SEMA5A: variants seen among roughly 807,000 people sequenced by gnomAD.
SEMA5A encodes semaphorin 5A, also known as semaphorin-5A.
Under a neutral mutation model 135.5 loss-of-function variants are expected in SEMA5A, and 55 were observed. The observed-to-expected ratio is 0.41, with a 90% CI of 0.33 to 0.51. SEMA5A has a LOEUF of 0.51. Among genes scored for constraint, SEMA5A ranks in the 20% least tolerant of loss-of-function variants. The probability of loss-of-function intolerance (pLI) is 0.37; values close to 1 mark genes in which losing one functional copy is unlikely to be tolerated. For synonymous variants in SEMA5A, 580 were observed against 546.5 expected (o/e 1.06, Z -0.85); for missense variants, 1,290 against 1,419.9 (o/e 0.91, Z 1.47).
intron 5 of SEMA5A, among the ~76,000 whole-genome samples, chr5:9,273,936 G>A (rs533366429): frequency 1.3e-5 from 2 of 152,064 alleles, no homozygotes; most frequent in East Asian, 3.9e-4. Context: ...CTCAACTAAC[G>A]GGCAAAATAA....
Position 9,224,814 on chromosome 5 carries a change from G to A in SEMA5A, c.506C>T (p.Ser169Phe). ...CCCACCAGCTGTGAGGAGCGCTGTG[G>A]AATTGTGCTGGGGACTGTAGGGACA... ...ARCPYSPQHN[S>F]TALLTAGGEL... The change falls in exon 8 of 23, where the codon TCC becomes TTC. Residue 169 changes from serine (S) to phenylalanine (F), a missense_variant. Ser to Phe is a radical substitution (Grantham distance 155). Coordinates refer to ENST00000382496, the MANE Select transcript of SEMA5A (RefSeq NM_003966.3). 6.2e-7 allele frequency: 1 copy of A among 1,614,052 alleles called. No individual in the cohort carries two copies. Among genetic ancestry groups the A allele is most frequent in the Non-Finnish European group, 8.5e-7 (1 of 1,179,966 alleles).
intron 16 of SEMA5A, among the ~76,000 whole-genome samples, chr5:9,077,286 C>A (rs1738120558): frequency 6.6e-6 from 1 of 152,142 alleles, no homozygotes; most frequent in African/African-American, 2.4e-5. Context: ...GTATTTGGAT[C>A]TGGCTCATAG....
chr5:9,128,362 G>T (rs1378801360), intron 13 of SEMA5A, among the ~76,000 whole-genome samples: 1 of 152,170 alleles, frequency 6.6e-6, no homozygotes, highest in Non-Finnish European at 1.5e-5. Context: ...CACTGCAAGA[G>T]GTTTCTAGAA....
intron 2 of SEMA5A, among the ~76,000 whole-genome samples, chr5:9,409,134 A>G (rs1297127951): frequency 6.6e-6 from 1 of 152,188 alleles, no homozygotes; most frequent in Admixed American, 6.5e-5. Flanking sequence ...ATGATTTTCA[A>G]TTATCCCTTG....
At chr5:9,448,358 A>C (rs1440536546) in intron 1 of SEMA5A, among the ~76,000 whole-genome samples, 1 of 152,308 alleles carries the variant, frequency 6.6e-6, no homozygotes, top group East Asian at 1.9e-4. Flanking sequence ...AATGCAAACC[A>C]TGTTTGACAA....
intron 5 of SEMA5A, among the ~76,000 whole-genome samples, chr5:9,294,578 G>A (rs1751241359): frequency 1.3e-5 from 2 of 152,102 alleles, no homozygotes; most frequent in Admixed American, 6.5e-5. Flanking sequence ...ATACCTTGAC[G>A]AAAACTCTCC....
chr5:9,447,190 T>C (rs774351222), intron 1 of SEMA5A, among the ~76,000 whole-genome samples: 57 of 152,230 alleles, frequency 3.7e-4, no homozygotes, highest in Non-Finnish European at 3.8e-4. Flanking sequence ...TTCAACTCAG[T>C]AATGGAAAGA....
intron 1 of SEMA5A, among the ~76,000 whole-genome samples, chr5:9,538,786 A>T (rs1737918332): frequency 2.6e-5 from 4 of 152,210 alleles, no homozygotes; most frequent in Non-Finnish European, 1.5e-5. Flanking sequence ...GTATCAAAGA[A>T]ATGTGCTCAT....
Position 9,373,510 on chromosome 5 carries a change from G to T in SEMA5A, c.124+6313C>A, listed in dbSNP as rs145352406. On this transcript the variant is annotated intron_variant, in intron 3 of 22. Transcript: ENST00000382496. ...TCCCAAGCCACTGGAGCTAAATGTT[G>T]CAAATCCTCTATCACGAGTCCATGC... Among the ~76,000 whole-genome samples, 736 of 152,248 alleles carry T rather than the reference G, an allele frequency of 4.8e-3. 7 individuals carry two copies. The highest frequency in any genetic ancestry group is 0.016 in the African/African-American group (685 of 41,550).
intron 5 of SEMA5A, among the ~76,000 whole-genome samples, chr5:9,284,732 A>G (rs1250210652): frequency 6.6e-6 from 1 of 152,258 alleles, no homozygotes; most frequent in African/African-American, 2.4e-5. Context: ...GTATAAAATT[A>G]AGAACAGCCT....
At chr5:9,498,789 C>A (rs555706910) in intron 1 of SEMA5A, 1 of 151,482 alleles carries the variant, frequency 6.6e-6, no homozygotes, top group Non-Finnish European at 1.5e-5. Flanking sequence ...AGACTGCATA[C>A]CTGGAATCAA....
At chr5:9,463,179 C>A (rs397287) in intron 1 of SEMA5A, among the ~76,000 whole-genome samples, 65,978 of 151,848 alleles carry the variant, frequency 0.43, 14,740 homozygotes, top group East Asian at 0.56. Flanking sequence ...GGGGAACCAC[C>A]TAGTCTGAAG....
intron 9 of SEMA5A, among the ~76,000 whole-genome samples, chr5:9,200,069 T>G (rs1745621169): frequency 6.6e-6 from 1 of 152,214 alleles, no homozygotes; most frequent in African/African-American, 2.4e-5. Context: ...AAAAAAACCT[T>G]GTCTGAGACA....
intron 1 of SEMA5A, among the ~76,000 whole-genome samples, chr5:9,444,053 G>T (rs1224695757): frequency 1.3e-5 from 2 of 152,148 alleles, no homozygotes; most frequent in East Asian, 3.9e-4. Context: ...TCCCAAATAT[G>T]AGATTGCTGG....
At chr5:9,424,865 G>T (rs13152886) in intron 2 of SEMA5A, among the ~76,000 whole-genome samples, 6,077 of 152,044 alleles carry the variant, frequency 0.04, 178 homozygotes, top group Middle Eastern at 0.16. Flanking sequence ...CCACCATCAC[G>T]CCTGACCCCA....
At chr5:9,150,600 G>C (rs1579486485) in intron 12 of SEMA5A, among the ~76,000 whole-genome samples, 1 of 152,102 alleles carries the variant, frequency 6.6e-6, no homozygotes, top group East Asian at 1.9e-4. Flanking sequence ...GCTATGTTCT[G>C]ATCAGTCACA....
intron 18 of SEMA5A, among the ~76,000 whole-genome samples, chr5:9,057,854 A>G (rs2150056363): frequency 6.6e-6 from 1 of 152,282 alleles, no homozygotes; most frequent in East Asian, 1.9e-4. Flanking sequence ...CCCTGTCTTT[A>G]TGTTACAGGT....
chr5:9,329,010 C>A (rs73050516), intron 4 of SEMA5A, among the ~76,000 whole-genome samples: 1 of 152,042 alleles, frequency 6.6e-6, no homozygotes, highest in South Asian at 2.1e-4. Context: ...ACAGGTGCCA[C>A]GGAGCCAAGC....
At chr5:9,399,098 T>C (rs1756533830) in intron 2 of SEMA5A, among the ~76,000 whole-genome samples, 1 of 152,216 alleles carries the variant, frequency 6.6e-6, no homozygotes, top group African/African-American at 2.4e-5. Context: ...CTCCTATGTC[T>C]ATATCTAAGA....
Sources: allele counts gnomAD v4.1 joint callset (sites outside exome capture counted in the v4.1 genomes callset), GRCh38; gene constraint gnomAD v4.1.1; transcripts MANE v1.5; gene names NCBI Gene and HGNC (gene_info 2026-07-23, HGNC 2026-07-21).